The following SOCS5 variants were observed in gnomAD, a reference collection of about 807,000 sequenced individuals.
SOCS5 encodes suppressor of cytokine signaling 5.
A neutral mutation model predicts 42.8 loss-of-function variants in SOCS5; 32 were observed. That is an observed-to-expected ratio of 0.75 (90% CI 0.56 to 1.01). The LOEUF (loss-of-function observed/expected upper bound fraction) is 1.01, where lower values mean the gene tolerates loss of function less well. SOCS5 is among the 50% of genes least tolerant of loss of function. The pLI is 0.00. For missense variants in SOCS5, 627 were observed against 653.0 expected (o/e 0.96, Z 0.43); for synonymous variants, 283 against 229.6 (o/e 1.23, Z -2.10).
intron 1 of SOCS5, among the ~76,000 whole-genome samples, chr2:46,735,762 C>T (rs1458320058): frequency 6.6e-6 from 1 of 151,822 alleles, no homozygotes; most frequent in African/African-American, 2.4e-5. Context: ...CCCATGTGTA[C>T]AAAGATAATT....
At chr2:46,704,089 A>G (rs535415113) in intron 1 of SOCS5, among the ~76,000 whole-genome samples, 190 of 152,232 alleles carry the variant, frequency 1.2e-3, no homozygotes, top group Admixed American at 2.6e-3. Flanking sequence ...CTTAACACCA[A>G]AATTAAATTT....
chr2:46,716,370 T>A (rs1429773981), intron 1 of SOCS5, among the ~76,000 whole-genome samples: 1 of 104,298 alleles, frequency 9.6e-6, no homozygotes, highest in Admixed American at 1.1e-4. Flanking sequence ...TGTCTTCATT[T>A]TTTTTTTTTT....
intron 1 of SOCS5, among the ~76,000 whole-genome samples, chr2:46,722,844 C>A (rs772697696): frequency 2.0e-5 from 3 of 152,036 alleles, no homozygotes; most frequent in Non-Finnish European, 2.9e-5. Context: ...TTTTGTGTTA[C>A]CACCACTTTT....
intron 1 of SOCS5, among the ~76,000 whole-genome samples, chr2:46,747,482 C>T (rs142467339): frequency 0.013 from 1,907 of 152,286 alleles, 48 homozygotes; most frequent in African/African-American, 0.044. Context: ...TCCCAAAGTG[C>T]TGAGATTACA....
At chr2:46,742,848 T>C (rs1235398075) in intron 1 of SOCS5, among the ~76,000 whole-genome samples, 1 of 152,106 alleles carries the variant, frequency 6.6e-6, no homozygotes, top group Non-Finnish European at 1.5e-5. Flanking sequence ...GTATTTTTAG[T>C]AGAGACGGGG....
At chr2:46,733,918 T>G (rs560037145) in intron 1 of SOCS5, among the ~76,000 whole-genome samples, 3 of 152,208 alleles carry the variant, frequency 2.0e-5, no homozygotes, top group Non-Finnish European at 4.4e-5. Context: ...AGTTTTCTAG[T>G]TAATAAACTG....
At chr2:46,720,176 A>G (rs1412752567) in intron 1 of SOCS5, among the ~76,000 whole-genome samples, 1 of 152,210 alleles carries the variant, frequency 6.6e-6, no homozygotes, top group Non-Finnish European at 1.5e-5. Flanking sequence ...AACTAAAGAT[A>G]ATCCAAGTAA....
intron 1 of SOCS5, among the ~76,000 whole-genome samples, chr2:46,703,689 AT>A (rs1386006188): frequency 6.6e-6 from 1 of 152,204 alleles, no homozygotes; most frequent in African/African-American, 2.4e-5. Context: ...CATATTTAAA[AT>A]TCATGGTTAT....
chr2:46,732,107 T>C (rs556486961), intron 1 of SOCS5, among the ~76,000 whole-genome samples: 1 of 152,358 alleles, frequency 6.6e-6, no homozygotes, highest in African/African-American at 2.4e-5. Flanking sequence ...CTGGATGCAG[T>C]TTTATTTCAT....
chr2:46,717,638 T>C (rs1260948635), intron 1 of SOCS5, among the ~76,000 whole-genome samples: 2 of 152,206 alleles, frequency 1.3e-5, no homozygotes, highest in African/African-American at 2.4e-5. Context: ...ATGCAGTATG[T>C]ATTTTTTTCT....
At chr2:46,713,044 A>AATT (rs1672663270) in intron 1 of SOCS5, among the ~76,000 whole-genome samples, 1 of 152,228 alleles carries the variant, frequency 6.6e-6, no homozygotes, top group Admixed American at 6.5e-5. Context: ...TTCTTAATTA[A>AATT]GGAATTTAAT....
At chr2:46,703,946 A>G (rs1572826886) in intron 1 of SOCS5, among the ~76,000 whole-genome samples, 1 of 152,210 alleles carries the variant, frequency 6.6e-6, no homozygotes, top group Non-Finnish European at 1.5e-5. Context: ...ATAAATTTGC[A>G]TCTTAGTGAC....
intron 1 of SOCS5, among the ~76,000 whole-genome samples, chr2:46,713,990 G>A (rs1672684475): frequency 6.6e-6 from 1 of 152,070 alleles, no homozygotes; most frequent in African/African-American, 2.4e-5. Flanking sequence ...TTCATTTAAT[G>A]CCGTGGTGAT....
Position 46,761,209 on chromosome 2 carries a change from A to G in SOCS5, c.*1068A>G, listed in dbSNP as rs1673861682. The G allele has an allele frequency of 6.0e-6, 1 of 167,128 alleles. No homozygotes were observed. Among genetic ancestry groups the G allele is most frequent in the Admixed American group, 6.5e-5 (1 of 15,290 alleles). The allele number at this position is 167,128 out of a possible 1,614,324, so 10.4% of individuals were successfully genotyped here. A position where few individuals can be genotyped will look rare whatever the true frequency, so the allele number is the denominator to read the frequency against. On this transcript the variant is annotated 3_prime_UTR_variant, in exon 2 of 2. Transcript: ENST00000394861. Reference sequence around the variant, plus strand: ...CAGATTTAAAAGGTACTGTACAACCATTATATCTGTAAATAACTTAGCACC... The same window carrying G: ...CAGATTTAAAAGGTACTGTACAACCGTTATATCTGTAAATAACTTAGCACC...
intron 1 of SOCS5, among the ~76,000 whole-genome samples, chr2:46,749,316 G>A (rs558035792): frequency 6.6e-6 from 1 of 152,232 alleles, no homozygotes; most frequent in South Asian, 2.1e-4. Context: ...CAGAAGCTAT[G>A]ATTTTTGTCG....
chr2:46,758,489 A>T, intron 1 of SOCS5, 30 bp from the exon 2 acceptor site: 1 of 1,469,606 alleles, frequency 6.8e-7, no homozygotes, highest in Non-Finnish European at 9.3e-7. Flanking sequence ...TGATTAATTT[A>T]TTTTTCTCTT....
At chr2:46,727,066 A>G (rs1673013457) in intron 1 of SOCS5, among the ~76,000 whole-genome samples, 1 of 150,134 alleles carries the variant, frequency 6.7e-6, no homozygotes, top group African/African-American at 2.5e-5. Context: ...TAAAATTTTC[A>G]TTCTGTTCTA....
At chr2:46,746,050 GT>G (rs377005994) in intron 1 of SOCS5, among the ~76,000 whole-genome samples, 10,452 of 146,764 alleles carry the variant, frequency 0.071, 495 homozygotes, top group Non-Finnish European at 0.11. Context: ...AGCCCTTTGA[GT>G]TTTTTTTTTT....
intron 1 of SOCS5, among the ~76,000 whole-genome samples, chr2:46,732,820 A>G (rs1295122001): frequency 6.6e-6 from 1 of 152,196 alleles, no homozygotes; most frequent in East Asian, 1.9e-4. Flanking sequence ...CTTTGTTCCT[A>G]GAAATCATTA....
Sources: allele counts gnomAD v4.1 joint callset (sites outside exome capture counted in the v4.1 genomes callset), GRCh38; gene constraint gnomAD v4.1.1; transcripts MANE v1.5; gene names NCBI Gene and HGNC (gene_info 2026-07-23, HGNC 2026-07-21).